SLFN13: variants seen among roughly 807,000 people sequenced by gnomAD.
The protein encoded by SLFN13 is schlafen-13.
In SLFN13, 43 loss-of-function variants were observed where a neutral mutation model predicts 50.6. That is an observed-to-expected ratio of 0.85 (90% CI 0.67 to 1.09). The LOEUF (loss-of-function observed/expected upper bound fraction) is 1.09. SLFN13 is among the 50% of genes least tolerant of loss of function. The probability of loss-of-function intolerance (pLI) is 0.00; values close to 1 mark genes in which losing one functional copy is unlikely to be tolerated. For missense variants in SLFN13, 881 were observed against 1,071.1 expected (o/e 0.82, Z 2.48); for synonymous variants, 339 against 386.5 (o/e 0.88, Z 1.44).
Position 35,445,105 on chromosome 17 carries a change from A to C in SLFN13, c.576T>G (p.Val192=), listed in dbSNP as rs369955294. 7.4e-6 allele frequency: 12 copies of C among 1,613,612 alleles called. No individual in the cohort carries two copies. The African/African-American group carries it at 1.5e-4, about 20-fold the overall frequency. ...CATATTCAATAGTGTCAGTTTGGAA[A>C]ACTTCATATGCAGGATTTGACTCAG... ...NISESNPAYE[V]FQTDTIEYGE... The change falls in exon 3 of 6, where the codon GTT becomes GTG. Residue 192 remains valine (V), a synonymous_variant. Transcript: ENST00000285013.
rs2142061915 is a variant in SLFN13 at position 35,435,496 on chromosome 17, C to G, written c.*5099G>C. 1 of 152,180 alleles carries G rather than the reference C, an allele frequency of 6.6e-6. No homozygotes were observed. The highest frequency in any genetic ancestry group is 2.1e-4 in the South Asian group (1 of 4,822). The allele number at this position is 152,180 out of a possible 1,614,324, so 9.4% of individuals were successfully genotyped here. On this transcript the variant is annotated 3_prime_UTR_variant, in exon 6 of 6. Transcript: ENST00000285013. ...CCAGGATCTTGCTATGTTGCCAAGG[C>G]TTGTCTCTAACCCCTGGGCTCAAGT...
Position 35,441,331 on chromosome 17 carries a change from GT to G in SLFN13, c.1957del (p.Thr653LeufsTer3). ...RNICRAETRE[T>X]FLREKFEHIQ... ...GTGTTCAAATTTTTCTCTTAGGAAA[GT>G]TTCCCGGGTCTCTGCTCGGCAGATA... On this transcript the variant is annotated frameshift_variant, in exon 6 of 6. Transcript: ENST00000285013. LOFTEE classifies it low-confidence loss of function (END_TRUNC). 6.2e-7 allele frequency: 1 copy of G among 1,611,444 alleles called. No individual in the cohort carries two copies.
At chr17:35,446,934 T>C (rs1913241701) in intron 2 of SLFN13, 1 of 152,252 alleles carries the variant, frequency 6.6e-6, no homozygotes, top group South Asian at 2.1e-4. Flanking sequence ...TCAAGTTACC[T>C]GTAAAATATT....
Position 35,440,469 on chromosome 17 carries a change from T to C in SLFN13, c.*126A>G. ...AGAAATGGGGGAGCTCCAAACTCTTTGTGTCAGCTCTGTCCAAATCTCTAA... is the reference window on the plus strand; with the variant it reads ...AGAAATGGGGGAGCTCCAAACTCTTCGTGTCAGCTCTGTCCAAATCTCTAA... On this transcript the variant is annotated 3_prime_UTR_variant, in exon 6 of 6. Transcript: ENST00000285013. 8.4e-7 allele frequency: 1 copy of C among 1,188,244 alleles called. No individual in the cohort carries two copies. The highest frequency in any genetic ancestry group is 2.4e-5 in the East Asian group (1 of 41,586). 73.6% of individuals were successfully genotyped at this position (1,188,244 alleles called of 1,614,324 possible).
intron 1 of SLFN13, chr17:35,448,517 A>C (rs1475589510): frequency 6.6e-6 from 1 of 152,328 alleles, no homozygotes; most frequent in African/African-American, 2.4e-5. Flanking sequence ...TTTGCTCAGC[A>C]AACTAGCCGA....
Position 35,442,202 on chromosome 17 carries a change from T to C in SLFN13, c.1283A>G (p.His428Arg), listed in dbSNP as rs776096125. 6.2e-6 allele frequency: 10 copies of C among 1,614,048 alleles called. No homozygotes were observed. Among genetic ancestry groups the C allele is most frequent in the Non-Finnish European group, 8.5e-6 (10 of 1,179,998 alleles). ...CTGGGAGAAAGGTCGCATTTGCTTG[T>C]GTATTAACTCCTTTAGTCCTTCATG... ...LQHEGLKELI[H>R]KQMRPFSQGI... Residue 428 changes from histidine to arginine, a missense_variant, in exon 5 of 6, where the codon CAC becomes CGC. His to Arg is a conservative substitution (Grantham distance 29). Around this residue, in one of 5 missense-constraint regions of SLFN13, gnomAD observed 497 missense variants for 518.3 expected, o/e 0.96. Transcript: ENST00000285013.
In SLFN13 at chr17:35,441,038, T is replaced by A. The variant is rs754227309; in HGVS notation, c.2251A>T (p.Asn751Tyr). The A allele has an allele frequency of 6.2e-7, 1 of 1,613,384 alleles. No individual in the cohort carries two copies. The highest frequency in any genetic ancestry group is 1.1e-5 in the South Asian group (1 of 91,084). ...IQQEMQLIIE[N>Y]PPINIPHGYL... Reference sequence around the variant, plus strand: ...CCATGGGGGATATTAATTGGAGGATTTTCTATAATTAGTTGCATTTCTTGT... The same window carrying A: ...CCATGGGGGATATTAATTGGAGGATATTCTATAATTAGTTGCATTTCTTGT... The change falls in exon 6 of 6, where the codon AAT becomes TAT. Residue 751 changes from asparagine (N) to tyrosine (Y), a missense_variant. This residue lies in a region of SLFN13 where 322 missense variants were observed against 327.4 expected (regional missense o/e 0.98). Transcript: ENST00000285013.
Position 35,443,906 on chromosome 17 carries a change from A to T in SLFN13, c.1081T>A (p.Phe361Ile). ...MDADPEFPPD[F>I]AEAFESQLSL... Reference sequence around the variant, plus strand: ...AACTGAGACTCAAAGGCCTCAGCAAAGTCTGGAGGAAACTCTGAAAGAAAG... The same window carrying T: ...AACTGAGACTCAAAGGCCTCAGCAATGTCTGGAGGAAACTCTGAAAGAAAG... The change falls in exon 4 of 6, where the codon TTT (phenylalanine) becomes ATT (isoleucine). Residue 361 changes from phenylalanine to isoleucine, a missense_variant. Physicochemically the swap from Phe to Ile is conservative, Grantham distance 21. This residue lies in a region of SLFN13 where 497 missense variants were observed against 518.3 expected (regional missense o/e 0.96). Coordinates refer to ENST00000285013, the MANE Select transcript of SLFN13 (RefSeq NM_144682.6). 1 of 1,613,262 alleles carries T rather than the reference A, an allele frequency of 6.2e-7. No homozygotes were observed. Among genetic ancestry groups the T allele is most frequent in the Non-Finnish European group, 8.5e-7 (1 of 1,179,458 alleles).
Position 35,445,060 on chromosome 17 carries a change from AG to A in SLFN13, c.620del (p.Pro207LeufsTer6), listed in dbSNP as rs1170938863. ...TIEYGEILSF[P>X]ESPSIEFKQF... The stretch of plus-strand genomic sequence containing the variant: ...GTTTAAACTCTATGGATGGAGACTC[AG>A]GAAAAGATAGGATTTCACCATATTC... On this transcript the variant is annotated frameshift_variant, in exon 3 of 6. Coordinates refer to ENST00000285013, the MANE Select transcript of SLFN13 (RefSeq NM_144682.6). LOFTEE classifies it high-confidence loss of function. 2 of 1,614,114 alleles carry A rather than the reference AG, an allele frequency of 1.2e-6. No individual in the cohort carries two copies. The highest frequency in any genetic ancestry group is 2.2e-5 in the East Asian group (1 of 44,882).
rs1383869040 is a variant in SLFN13 at position 35,438,865 on chromosome 17, G to A, written c.*1730C>T. The stretch of plus-strand genomic sequence containing the variant: ...GATTAGTGTTTTAGAATGTTTTGTA[G>A]AGACTGAAAAGCAAATAAGTAATTG... On this transcript the variant is annotated 3_prime_UTR_variant, in exon 6 of 6. Transcript: ENST00000285013. 1 of 152,116 alleles carries A rather than the reference G, an allele frequency of 6.6e-6. No individual in the cohort carries two copies. Among genetic ancestry groups the A allele is most frequent in the Non-Finnish European group, 1.5e-5 (1 of 68,016 alleles). The allele number at this position is 152,116 out of a possible 1,614,324, so 9.4% of individuals were successfully genotyped here. A position where few individuals can be genotyped will look rare whatever the true frequency, so the allele number is the denominator to read the frequency against.
At chr17:35,446,768 A>G (rs1252131329) in intron 2 of SLFN13, 2 of 152,186 alleles carry the variant, frequency 1.3e-5, no homozygotes, top group Non-Finnish European at 2.9e-5. Flanking sequence ...AGGCAGAAAC[A>G]TGTTTAGAGA....
chr17:35,445,737 G>A, intron 2 of SLFN13, 44 bp from the exon 3 acceptor site: 1 of 1,400,404 alleles, frequency 7.1e-7, no homozygotes, highest in Non-Finnish European at 9.6e-7. Flanking sequence ...TTAAAAAATT[G>A]TTACAGGCCT....
chr17:35,439,612 G>A lies in SLFN13; in HGVS notation c.*983C>T, dbSNP rs1336808360. The A allele has an allele frequency of 1.3e-5, 2 of 152,054 alleles. No homozygotes were observed. Among genetic ancestry groups the A allele is most frequent in the African/African-American group, 4.8e-5 (2 of 41,390 alleles). The allele number at this position is 152,054 out of a possible 1,614,324, so 9.4% of individuals were successfully genotyped here. On this transcript the variant is annotated 3_prime_UTR_variant, in exon 6 of 6. Coordinates refer to ENST00000285013, the MANE Select transcript of SLFN13 (RefSeq NM_144682.6). ...CATGCTTCAGCCTCCCAAGTAGCTG[G>A]GATACAGGCATGCACCACCATGCCC...
At position 35,436,442 on chromosome 17, in the gene SLFN13, C is replaced by G. The variant is rs1912647189; in HGVS notation, c.*4153G>C. The G allele has an allele frequency of 1.3e-5, 2 of 151,800 alleles. No individual in the cohort carries two copies. The highest frequency in any genetic ancestry group is 4.8e-5 in the African/African-American group (2 of 41,294). The allele number at this position is 151,800 out of a possible 1,614,324, so 9.4% of individuals were successfully genotyped here. A position where few individuals can be genotyped will look rare whatever the true frequency, so the allele number is the denominator to read the frequency against. ...AATTACTTTTTAATTAGAAAAAAAT[C>G]TCAAATATTATGCGTTCAGAAGCAA... On this transcript the variant is annotated 3_prime_UTR_variant, in exon 6 of 6. Transcript: ENST00000285013.
chr17:35,435,574 A>G lies in SLFN13; in HGVS notation c.*5021T>C, dbSNP rs1035630338. 2.0e-4 allele frequency: 31 copies of G among 152,160 alleles called. No individual in the cohort carries two copies. Among genetic ancestry groups the G allele is most frequent in the Middle Eastern group, 3.4e-3 (1 of 294 alleles). The allele number at this position is 152,160 out of a possible 1,614,324, so 9.4% of individuals were successfully genotyped here. On this transcript the variant is annotated 3_prime_UTR_variant, in exon 6 of 6. Coordinates refer to ENST00000285013, the MANE Select transcript of SLFN13 (RefSeq NM_144682.6). ...GCTGAGATTACAGGTGTGAGCCACC[A>G]TGCTGGCTTGCTGTTTGTTCATGCT... is the stretch of plus-strand genomic sequence containing the variant.
At chr17:35,444,492 A>T (rs1913086226) in intron 3 of SLFN13, 123 bp downstream of exon 3, 1 of 854,094 alleles carries the variant, frequency 1.2e-6, no homozygotes, top group Admixed American at 3.2e-5. Context: ...TATGAAAAGC[A>T]TGGAGATTTA....
Position 35,439,483 on chromosome 17 carries a change from C to CTTG in SLFN13, c.*1111_*1112insCAA, listed in dbSNP as rs1912745481. On this transcript the variant is annotated 3_prime_UTR_variant, in exon 6 of 6. Coordinates refer to ENST00000285013, the MANE Select transcript of SLFN13 (RefSeq NM_144682.6). ...AACATAAACTCACTGCATTTTTTTTCTTCTTCTTCTTTTTGAGACAGTCTC... is the reference window on the plus strand; with the variant it reads ...AACATAAACTCACTGCATTTTTTTTCTTGTTCTTCTTCTTTTTGAGACAGTCTC... 1 of 151,356 alleles carries CTTG rather than the reference C, an allele frequency of 6.6e-6. No individual in the cohort carries two copies. Among genetic ancestry groups the CTTG allele is most frequent in the South Asian group, 2.1e-4 (1 of 4,800 alleles). The allele number at this position is 151,356 out of a possible 1,614,324, so 9.4% of individuals were successfully genotyped here.
Position 35,437,042 on chromosome 17 carries a change from A to T in SLFN13, c.*3553T>A, listed in dbSNP as rs960243054. 1 of 152,080 alleles carries T rather than the reference A, an allele frequency of 6.6e-6. No individual in the cohort carries two copies. Among genetic ancestry groups the T allele is most frequent in the Non-Finnish European group, 1.5e-5 (1 of 68,014 alleles). 9.4% of individuals were successfully genotyped at this position (152,080 alleles called of 1,614,324 possible). A position where few individuals can be genotyped will look rare whatever the true frequency, so the allele number is the denominator to read the frequency against. ...CTGAAGTATTTAGTGGTAAATGGGAACCCTGTCCGCTACTTACTTTTGAAT... is the reference window on the plus strand; with the variant it reads ...CTGAAGTATTTAGTGGTAAATGGGATCCCTGTCCGCTACTTACTTTTGAAT... On this transcript the variant is annotated 3_prime_UTR_variant, in exon 6 of 6. Coordinates refer to ENST00000285013, the MANE Select transcript of SLFN13 (RefSeq NM_144682.6).
rs1448169092 is a variant in SLFN13 at position 35,442,167 on chromosome 17, T to C, written c.1318A>G (p.Ile440Val). 9.9e-6 allele frequency: 16 copies of C among 1,614,070 alleles called. No homozygotes were observed. Among genetic ancestry groups the C allele is most frequent in the South Asian group, 8.8e-5 (8 of 91,088 alleles). The change falls in exon 5 of 6, where the codon ATC becomes GTC. Residue 440 changes from isoleucine (I) to valine (V), a missense_variant. Transcript: ENST00000285013. ...TCCACAGCCCAGCTTCTAGAGAGGA[T>C]CACAATTCCCTGGGAGAAAGGTCGC... ...QMRPFSQGIV[I>V]LSRSWAVDLN...
Sources: gnomAD v4.1 joint callset for allele counts on GRCh38, gnomAD v4.1.1 for gene constraint, gnomAD v4.1.1 regional missense constraint, MANE v1.5 for transcripts, NCBI Gene and HGNC (gene_info 2026-07-23, HGNC 2026-07-21) for gene names.